The following EEPD1 variants were observed in gnomAD, a reference collection of about 807,000 sequenced individuals.
EEPD1 encodes endonuclease/exonuclease/phosphatase family domain containing 1, also known as endonuclease/exonuclease/phosphatase family domain-containing protein 1.
EEPD1 carries 17 observed loss-of-function variants against 46.3 expected under a neutral mutation model. That is an observed-to-expected ratio of 0.37 (90% confidence interval 0.25 to 0.55). EEPD1 has a LOEUF of 0.55. EEPD1 is among the 20% of genes least tolerant of loss of function. The pLI is 0.83. For missense variants in EEPD1, 673 were observed against 745.6 expected, an observed-to-expected ratio of 0.90 and a Z score of 1.13; for synonymous variants, 313 against 315.6, an observed-to-expected ratio of 0.99 and a Z score of 0.09.
intron 2 of EEPD1, among the ~76,000 whole-genome samples, chr7:36,238,274 C>T (rs1039378042): frequency 2.6e-5 from 4 of 152,184 alleles, no homozygotes; most frequent in African/African-American, 9.7e-5. Flanking sequence ...CCTCTTTTAT[C>T]AGCAAGGTCT....
chr7:36,192,374 AG>A (rs1304147865), intron 2 of EEPD1, among the ~76,000 whole-genome samples: 1 of 152,252 alleles, frequency 6.6e-6, no homozygotes, highest in Non-Finnish European at 1.5e-5. Flanking sequence ...GCAACAGCAG[AG>A]GGAACACTAG....
intron 6 of EEPD1, among the ~76,000 whole-genome samples, chr7:36,293,986 T>C (rs1583482325): frequency 6.6e-6 from 1 of 150,964 alleles, no homozygotes; most frequent in Admixed American, 6.6e-5. Flanking sequence ...GTTTCAAAAC[T>C]TCTTATTTGA....
intron 2 of EEPD1, among the ~76,000 whole-genome samples, chr7:36,226,760 G>A (rs1786237817): frequency 6.6e-6 from 1 of 152,096 alleles, no homozygotes; most frequent in African/African-American, 2.4e-5. Flanking sequence ...CACTACAACT[G>A]TAGACTACAT....
At chr7:36,257,420 C>T (rs1242308487) in intron 3 of EEPD1, among the ~76,000 whole-genome samples, 1 of 152,004 alleles carries the variant, frequency 6.6e-6, no homozygotes, top group African/African-American at 2.4e-5. Context: ...GAGTGTTTTC[C>T]AAGTTGGTTT....
At chr7:36,170,875 C>T (rs532227555) in intron 2 of EEPD1, among the ~76,000 whole-genome samples, 2 of 152,206 alleles carry the variant, frequency 1.3e-5, no homozygotes, top group African/African-American at 4.8e-5. Context: ...TCTTCTCACT[C>T]GGAGTAGAAT....
intron 3 of EEPD1, among the ~76,000 whole-genome samples, chr7:36,243,116 C>T (rs1398076871): frequency 2.0e-5 from 3 of 152,200 alleles, no homozygotes; most frequent in East Asian, 1.9e-4. Flanking sequence ...CTGTTAGAAA[C>T]GTAGAATCTC....
intron 2 of EEPD1, among the ~76,000 whole-genome samples, chr7:36,232,046 C>T (rs569644687): frequency 6.6e-6 from 1 of 152,276 alleles, no homozygotes; most frequent in East Asian, 1.9e-4. Flanking sequence ...AAGTTATGAA[C>T]AGCTCTAGCA....
intron 2 of EEPD1, among the ~76,000 whole-genome samples, chr7:36,234,526 G>A (rs932078972): frequency 2.0e-5 from 3 of 151,920 alleles, no homozygotes; most frequent in Non-Finnish European, 4.4e-5. Flanking sequence ...ACAAAAATTA[G>A]CCTGGTGTGG....
intron 2 of EEPD1, chr7:36,228,589 A>T (rs1786268656): frequency 6.6e-6 from 1 of 152,194 alleles, no homozygotes; most frequent in Non-Finnish European, 1.5e-5. Context: ...TGAAGGAAAA[A>T]GTTATTCTGC....
At chr7:36,256,889 TGTTA>T (rs1241560993) in intron 3 of EEPD1, among the ~76,000 whole-genome samples, 3 of 152,210 alleles carry the variant, frequency 2.0e-5, no homozygotes, top group African/African-American at 4.8e-5. Context: ...TTATTTTGCC[TGTTA>T]GTTGATGCAG....
At chr7:36,219,798 A>AGTGTGT (rs1443373734) in intron 2 of EEPD1, among the ~76,000 whole-genome samples, 49 of 77,044 alleles carry the variant, frequency 6.4e-4, no homozygotes, top group Non-Finnish European at 8.0e-4. Context: ...AGAGAGAGAG[A>AGTGTGT]GAGAGAGAGT....
intron 6 of EEPD1, among the ~76,000 whole-genome samples, chr7:36,292,429 T>C (rs931472137): frequency 6.6e-6 from 1 of 151,638 alleles, no homozygotes; most frequent in Non-Finnish European, 1.5e-5. Flanking sequence ...CTCTTTTTCT[T>C]TCTCTCTCTC....
At chr7:36,233,117 G>A (rs1407864420) in intron 2 of EEPD1, among the ~76,000 whole-genome samples, 1 of 152,156 alleles carries the variant, frequency 6.6e-6, no homozygotes, top group Non-Finnish European at 1.5e-5. Context: ...GGCAGATTAG[G>A]CTTCTGAAAT....
At chr7:36,227,455 T>C (rs1786248933) in intron 2 of EEPD1, among the ~76,000 whole-genome samples, 2 of 152,270 alleles carry the variant, frequency 1.3e-5, no homozygotes, top group African/African-American at 4.8e-5. Flanking sequence ...AGCAGCTCCT[T>C]CTCCAGAGCT....
chr7:36,259,115 G>A lies in EEPD1; in HGVS notation c.930+20079G>A, dbSNP rs535167311. On this transcript the variant is annotated intron_variant, in intron 3 of 7. Transcript: ENST00000242108. ...ACGGGAGGGAGTTCCCGGACCCCTTGTGCTTCCCAGGTGAGGTGATACCCC... is the reference window on the plus strand; with the variant it reads ...ACGGGAGGGAGTTCCCGGACCCCTTATGCTTCCCAGGTGAGGTGATACCCC... Among the ~76,000 whole-genome samples the A allele has an allele frequency of 1.5e-3, 230 of 152,198 alleles. 1 individual carries two copies. The highest frequency in any genetic ancestry group is 5.2e-3 in the African/African-American group (217 of 41,504).
chr7:36,247,552 C>A (rs1786660423), intron 3 of EEPD1, among the ~76,000 whole-genome samples: 1 of 152,198 alleles, frequency 6.6e-6, no homozygotes, highest in Admixed American at 6.5e-5. Flanking sequence ...AATCCCAGAA[C>A]TTCAGAATCA....
intron 2 of EEPD1, among the ~76,000 whole-genome samples, chr7:36,183,827 C>T (rs1785314543): frequency 6.6e-6 from 1 of 151,078 alleles, no homozygotes; most frequent in Non-Finnish European, 1.5e-5. Flanking sequence ...CAGTGTTTCT[C>T]CCTGGGCCCA....
intron 3 of EEPD1, among the ~76,000 whole-genome samples, chr7:36,255,390 A>G (rs1416593073): frequency 6.6e-6 from 1 of 152,238 alleles, no homozygotes; most frequent in Non-Finnish European, 1.5e-5. Flanking sequence ...TTTATTAAAT[A>G]GGGAACCCTT....
At chr7:36,236,481 G>A (rs1462654106) in intron 2 of EEPD1, among the ~76,000 whole-genome samples, 2 of 152,162 alleles carry the variant, frequency 1.3e-5, no homozygotes, top group Non-Finnish European at 2.9e-5. Context: ...TCTCTTTCTC[G>A]TTTCCCCTCT....
Sources: allele counts gnomAD v4.1 joint callset (sites outside exome capture counted in the v4.1 genomes callset), GRCh38; gene constraint gnomAD v4.1.1; transcripts MANE v1.5; gene names NCBI Gene and HGNC (gene_info 2026-07-23, HGNC 2026-07-21).